IQSEC1: variants seen among roughly 807,000 people sequenced by gnomAD.
IQSEC1 encodes IQ motif and Sec7 domain ArfGEF 1.
Under a neutral mutation model 91.0 loss-of-function variants are expected in IQSEC1, and 31 were observed. The ratio of observed to expected loss-of-function variants is 0.34; its 90% confidence interval spans 0.26 to 0.46. IQSEC1 has a LOEUF of 0.46. IQSEC1 is among the 20% of genes least tolerant of loss of function. The pLI, the probability that IQSEC1 is intolerant of heterozygous loss-of-function variation, is 1.00. For synonymous variants in IQSEC1, 699 were observed against 662.6 expected, an observed-to-expected ratio of 1.05 and a Z score of -0.84; for missense variants, 1,388 against 1,575.6, an observed-to-expected ratio of 0.88 and a Z score of 2.02.
Position 13,140,506 on chromosome 3 carries a change from A to T in IQSEC1, c.302+23598T>A, listed in dbSNP as rs186171687. ...CTGAGAACTTCACAGGTAAGCTGGG[A>T]TCTCACTGGTGAGGAGTATGAACTG... is the stretch of plus-strand genomic sequence containing the variant. On this transcript the variant is annotated intron_variant, in intron 2 of 15. Transcript: ENST00000648114. 1.4e-3 allele frequency among the ~76,000 whole-genome samples: 208 copies of T among 152,338 alleles called. 1 individual carries two copies. The highest frequency in any genetic ancestry group is 4.9e-3 in the African/African-American group (205 of 41,582).
At chr3:13,128,942 T>C (rs1706563416) in intron 2 of IQSEC1, among the ~76,000 whole-genome samples, 1 of 152,096 alleles carries the variant, frequency 6.6e-6, no homozygotes, top group Non-Finnish European at 1.5e-5. Context: ...TCTGCAGTTT[T>C]ATTTTCTTGT....
intron 2 of IQSEC1, among the ~76,000 whole-genome samples, chr3:13,093,703 G>T (rs1576246670): frequency 6.6e-6 from 1 of 152,298 alleles, no homozygotes; most frequent in African/African-American, 2.4e-5. Context: ...GCAGGATCAG[G>T]CCCGAGCACT....
At chr3:13,044,731 C>T (rs1260460459) in intron 1 of IQSEC1, among the ~76,000 whole-genome samples, 2 of 152,230 alleles carry the variant, frequency 1.3e-5, no homozygotes, top group Admixed American at 1.3e-4. Context: ...TTCCCTCTCA[C>T]GCCTGTGGCA....
chr3:12,957,188 C>T (rs879543060), intron 1 of IQSEC1, among the ~76,000 whole-genome samples: 66 of 152,218 alleles, frequency 4.3e-4, no homozygotes, highest in African/African-American at 1.5e-3. Flanking sequence ...TCTGCCACAG[C>T]TTACCTGGTC....
rs370178002 is a variant in IQSEC1, at chr3:13,104,684, G to T, written c.303-57162C>A. Among the ~76,000 whole-genome samples, 15 of 152,276 alleles carry T rather than the reference G, an allele frequency of 9.9e-5. 1 individual carries two copies. In the East Asian group the frequency reaches 1.7e-3, roughly 18 times the overall value. ...GCTCCGGACTCAGCTGCTCTCACGG[G>T]ACCCCAGGTGCAGGGCCCATCATGG... is the stretch of plus-strand genomic sequence containing the variant. On this transcript the variant is annotated intron_variant, in intron 2 of 15. Transcript: ENST00000648114.
At chr3:13,256,750 G>A (rs1407836952) in intron 1 of IQSEC1, among the ~76,000 whole-genome samples, 3 of 152,186 alleles carry the variant, frequency 2.0e-5, no homozygotes, top group African/African-American at 7.2e-5. Context: ...GAAACCAAAA[G>A]GACAAACTGG....
At chr3:12,911,562 G>A (rs1695559969) in intron 10 of IQSEC1, 67 bp downstream of exon 10, 2 of 1,248,626 alleles carry the variant, frequency 1.6e-6, no homozygotes, top group Non-Finnish European at 1.2e-6. Flanking sequence ...TGTCCTCGAA[G>A]CAGCCAGGAG....
In IQSEC1 at chr3:12,970,626, C is replaced by T. The variant is rs569920734; in HGVS notation, c.24-28761G>A. The stretch of plus-strand genomic sequence containing the variant: ...CCTGGTTCATCTCTCCATCCCTTAC[C>T]TCTCCTCCTGCCCACTCTATGCCTG... On this transcript the variant is annotated intron_variant, in intron 1 of 13. Transcript: ENST00000613206. The surrounding 1 kb of genome is among the most constrained non-coding windows in gnomAD (Gnocchi z 4.4). Among the ~76,000 whole-genome samples, 70 of 152,252 alleles carry T rather than the reference C, an allele frequency of 4.6e-4. No individual in the cohort carries two copies. Among genetic ancestry groups the T allele is most frequent in the African/African-American group, 1.6e-3 (68 of 41,526 alleles).
At chr3:13,098,848 T>C (rs151164905) in intron 2 of IQSEC1, among the ~76,000 whole-genome samples, 2 of 152,322 alleles carry the variant, frequency 1.3e-5, no homozygotes, top group Non-Finnish European at 2.9e-5. Flanking sequence ...TTCTGGATGA[T>C]GAAAATGTCC....
chr3:12,986,834 G>C (rs1701761733), intron 1 of IQSEC1: 1 of 256,340 alleles, frequency 3.9e-6, no homozygotes, highest in African/African-American at 2.3e-5. Flanking sequence ...ACCCGGCAGG[G>C]GCTTGCTGTG....
chr3:13,022,768 T>A (rs1272851574), intron 1 of IQSEC1, among the ~76,000 whole-genome samples: 6 of 152,222 alleles, frequency 3.9e-5, no homozygotes, highest in Admixed American at 1.3e-4. Context: ...AGCCTGGGGT[T>A]GACACAAAGC....
chr3:12,951,615 C>A (rs1049686114), intron 1 of IQSEC1, among the ~76,000 whole-genome samples: 2 of 152,194 alleles, frequency 1.3e-5, no homozygotes, highest in African/African-American at 4.8e-5. Context: ...AGCCTTACAG[C>A]CTGGCACGCA....
At chr3:13,088,721 C>T (rs138988102) in intron 2 of IQSEC1, among the ~76,000 whole-genome samples, 334 of 152,354 alleles carry the variant, frequency 2.2e-3, no homozygotes, top group Admixed American at 3.7e-3. Context: ...CTTATTTATC[C>T]TCCTCCTAAC....
At chr3:13,038,235 T>C (rs1336152494) in intron 1 of IQSEC1, among the ~76,000 whole-genome samples, 1 of 137,152 alleles carries the variant, frequency 7.3e-6, no homozygotes, top group African/African-American at 2.7e-5. Flanking sequence ...TATATAAATA[T>C]ACAAGTATAT....
chr3:13,051,446 G>C (rs755291474), intron 1 of IQSEC1, among the ~76,000 whole-genome samples: 2 of 152,198 alleles, frequency 1.3e-5, no homozygotes, highest in Non-Finnish European at 2.9e-5. Flanking sequence ...GCAGCCCCAG[G>C]GAATGGGCTG....
At chr3:13,108,487 C>T (rs1436004636) in intron 2 of IQSEC1, among the ~76,000 whole-genome samples, 2 of 151,962 alleles carry the variant, frequency 1.3e-5, no homozygotes, top group South Asian at 2.1e-4. Context: ...TCTCCACCAG[C>T]GGCAATGGGC....
intron 1 of IQSEC1, among the ~76,000 whole-genome samples, chr3:13,191,477 A>ATTTTTTTTTTTTTTTTT (rs57912681): frequency 6.5e-5 from 6 of 92,100 alleles, no homozygotes; most frequent in African/African-American, 8.6e-5. Context: ...CACCCAGCTA[A>ATTTTTTTTTTTTTTTTT]TTTTTTTTTT....
At chr3:12,993,242 G>A (rs1702070454) in intron 1 of IQSEC1, among the ~76,000 whole-genome samples, 1 of 152,180 alleles carries the variant, frequency 6.6e-6, no homozygotes, top group South Asian at 2.1e-4. Flanking sequence ...TCCCCACGTG[G>A]TAATGGCAGG....
intron 1 of IQSEC1, among the ~76,000 whole-genome samples, chr3:13,189,678 G>A (rs1693988363): frequency 6.6e-6 from 1 of 152,000 alleles, no homozygotes; most frequent in South Asian, 2.1e-4. Flanking sequence ...CCCTGATCAC[G>A]AGGCTTGCCC....
Sources: allele counts gnomAD v4.1 joint callset (sites outside exome capture counted in the v4.1 genomes callset), GRCh38; gene constraint gnomAD v4.1.1; non-coding constraint Gnocchi (gnomAD v3.1); transcripts MANE v1.5; gene names NCBI Gene and HGNC (gene_info 2026-07-23, HGNC 2026-07-21).